FKBP1B: variants seen among roughly 807,000 people sequenced by gnomAD.
FKBP1B encodes peptidyl-prolyl cis-trans isomerase FKBP1B.
FKBP1B carries 4 observed loss-of-function variants against 13.5 expected under a neutral mutation model. The ratio of observed to expected loss-of-function variants is 0.30; its 90% CI spans 0.15 to 0.68. FKBP1B has a LOEUF of 0.68. FKBP1B is among the 30% of genes least tolerant of loss of function. The pLI is 0.76. For synonymous variants in FKBP1B, 54 were observed against 53.6 expected (o/e 1.01, Z -0.03); for missense variants, 93 against 136.2 (o/e 0.68, Z 1.58).
At chr2:24,053,786 C>A in intron 1 of FKBP1B, 116 bp from the exon 2 acceptor site, 2 of 953,160 alleles carry the variant, frequency 2.1e-6, no homozygotes, top group Non-Finnish European at 3.4e-6. Context: ...GGGCCACAGG[C>A]ATCTCCATGG....
intron 1 of FKBP1B, 39 bp from the exon 2 acceptor site, chr2:24,053,863 A>G (rs112587251): frequency 1.7e-5 from 27 of 1,605,536 alleles, no homozygotes; most frequent in Non-Finnish European, 2.3e-5. Flanking sequence ...TGTTTTTCCA[A>G]TATCCTACTC....
the FKBP1B span, among the ~76,000 whole-genome samples, chr2:24,044,072 G>T: frequency 1.3e-5 from 2 of 152,086 alleles, no homozygotes; most frequent in Non-Finnish European, 2.9e-5. Context: ...ACTTTAAAAA[G>T]AATTTTATTG....
the FKBP1B span, chr2:24,037,622 T>G: frequency 6.6e-7 from 1 of 1,507,044 alleles, no homozygotes; most frequent in Non-Finnish European, 8.9e-7. Context: ...CTTGCAGTAC[T>G]CACCGGCTGC....
chr2:24,051,389 G>T (rs991594167), intron 1 of FKBP1B, among the ~76,000 whole-genome samples: 6 of 151,748 alleles, frequency 4.0e-5, no homozygotes, highest in African/African-American at 1.5e-4. Flanking sequence ...TCAGGCAGAA[G>T]ATGTTTTAAT....
chr2:24,037,972 T>A, the FKBP1B span: 3 of 1,614,202 alleles, frequency 1.9e-6, no homozygotes, highest in Admixed American at 3.3e-5. Context: ...TATGGAGCCA[T>A]CACAGATACT....
chr2:24,039,859 A>G, the FKBP1B span, among the ~76,000 whole-genome samples: 1 of 152,040 alleles, frequency 6.6e-6, no homozygotes, highest in Admixed American at 6.6e-5. Context: ...GTGCAATGGC[A>G]CAATCTCGGC....
In FKBP1B at chr2:24,062,995, C is replaced by T. The variant is rs189564644; in HGVS notation, c.199-69C>T. ...TGGTTTGGGAAAATGCCATAGTCAT[C>T]TAACTTTTTTCTTTTAAATCAAGCT... On this transcript the variant is annotated intron_variant, in intron 3 of 3. Transcript: ENST00000380986. 1.1e-5 allele frequency: 18 copies of T among 1,612,752 alleles called. No homozygotes were observed. In the Admixed American group the frequency reaches 2.2e-4, roughly 19 times the overall value.
chr2:24,051,470 A>G (rs1262707370), intron 1 of FKBP1B, among the ~76,000 whole-genome samples: 1 of 152,018 alleles, frequency 6.6e-6, no homozygotes, highest in Non-Finnish European at 1.5e-5. Context: ...CTAGAGCTTC[A>G]TCTCTCACCA....
At chr2:24,042,977 G>A in the FKBP1B span, among the ~76,000 whole-genome samples, 2 of 148,882 alleles carry the variant, frequency 1.3e-5, no homozygotes, top group Non-Finnish European at 1.5e-5. Context: ...AGGTTGCAGT[G>A]AGCTGAGATC....
chr2:24,054,263 G>A (rs369940500), intron 2 of FKBP1B: 31 of 540,148 alleles, frequency 5.7e-5, no homozygotes, highest in Admixed American at 2.3e-4. Context: ...TGCTGGGTCT[G>A]TCTGATATTT....
chr2:24,042,184 G>C, the FKBP1B span, among the ~76,000 whole-genome samples: 4 of 151,910 alleles, frequency 2.6e-5, no homozygotes, highest in East Asian at 5.9e-4. Flanking sequence ...GGCAGATCAC[G>C]TGAGGTCAGG....
At chr2:24,061,347 G>C (rs1219486727) in intron 3 of FKBP1B, among the ~76,000 whole-genome samples, 1 of 152,132 alleles carries the variant, frequency 6.6e-6, no homozygotes, top group Non-Finnish European at 1.5e-5. Flanking sequence ...CCAGCTACTT[G>C]GGAGGCTGCG....
At chr2:24,033,703 T>G in the FKBP1B span, among the ~76,000 whole-genome samples, 3 of 152,326 alleles carry the variant, frequency 2.0e-5, no homozygotes, top group South Asian at 2.1e-4. Context: ...AAGGTGCCAC[T>G]GTACTCCAGG....
the FKBP1B span, among the ~76,000 whole-genome samples, chr2:24,044,483 T>C: frequency 6.6e-6 from 1 of 152,130 alleles, no homozygotes; most frequent in African/African-American, 2.4e-5. Flanking sequence ...GCCAGGCTGG[T>C]CTTGAACTCC....
At chr2:24,052,756 C>G (rs1663937889) in intron 1 of FKBP1B, among the ~76,000 whole-genome samples, 1 of 152,120 alleles carries the variant, frequency 6.6e-6, no homozygotes, top group Non-Finnish European at 1.5e-5. Flanking sequence ...CTCTTGAGCT[C>G]AGGAGTTCAA....
At position 24,063,146 on chromosome 2, in the gene FKBP1B, C is replaced by T; in HGVS notation, c.281C>T (p.Pro94Leu). 3 of 1,611,718 alleles carry T rather than the reference C, an allele frequency of 1.9e-6. No individual in the cohort carries two copies. Among genetic ancestry groups the T allele is most frequent in the Non-Finnish European group, 1.7e-6 (2 of 1,179,006 alleles). Residue 94 changes from proline to leucine, a missense_variant, in exon 4 of 4, where the codon CCC becomes CTC. Coordinates refer to ENST00000380986, the MANE Select transcript of FKBP1B (RefSeq NM_004116.5). ...GATGHPGVIP[P>L]NATLIFDVEL... ...ACGGGCCACCCCGGTGTCATCCCTC[C>T]CAATGCCACCCTCATCTTTGACGTG... is the stretch of plus-strand genomic sequence containing the variant.
chr2:24,062,968 G>T (rs773930525), intron 3 of FKBP1B, 96 bp from the exon 4 acceptor site: 1 of 1,568,138 alleles, frequency 6.4e-7, no homozygotes. Flanking sequence ...TAACATTGAG[G>T]ATGGTTTGGG....
chr2:24,046,463 A>G (rs1444997392), upstream of FKBP1B, among the ~76,000 whole-genome samples: 1 of 152,192 alleles, frequency 6.6e-6, no homozygotes, highest in Non-Finnish European at 1.5e-5. Context: ...TAGGAGGGAA[A>G]AGACCACTGT....
Position 24,063,479 on chromosome 2 carries a change from T to G in FKBP1B, c.*287T>G, listed in dbSNP as rs1664495575. 1 of 328,406 alleles carries G rather than the reference T, an allele frequency of 3.0e-6. No homozygotes were observed. Among genetic ancestry groups the G allele is most frequent in the East Asian group, 4.8e-5 (1 of 20,868 alleles). The allele number at this position is 328,406 out of a possible 1,614,324, so 20.3% of individuals were successfully genotyped here. A position where few individuals can be genotyped will look rare whatever the true frequency, so the allele number is the denominator to read the frequency against. ...TGATGACAGAACACAGATCTCTTGTTCGCACAATCTACACTGCCTTACCTT... is the reference window on the plus strand; with the variant it reads ...TGATGACAGAACACAGATCTCTTGTGCGCACAATCTACACTGCCTTACCTT... On this transcript the variant is annotated 3_prime_UTR_variant, in exon 4 of 4. Transcript: ENST00000380986.
Sources: gnomAD v4.1 joint callset for allele counts (sites outside exome capture counted in the v4.1 genomes callset) on GRCh38, gnomAD v4.1.1 for gene constraint, MANE v1.5 for transcripts, NCBI Gene and HGNC (gene_info 2026-07-23, HGNC 2026-07-21) for gene names.